The following PIEZO1 variants were observed in gnomAD, a reference collection of about 807,000 sequenced individuals.
PIEZO1 encodes the protein piezo type mechanosensitive ion channel component 1 (Er blood group), also known as piezo-type mechanosensitive ion channel component 1.
In PIEZO1, 296 loss-of-function variants were observed where a neutral mutation model predicts 297.2. That is an observed-to-expected ratio of 1.00 (90% CI 0.91 to 1.10). The LOEUF is 1.10. PIEZO1 is among the 50% of genes least tolerant of loss of function. The probability of loss-of-function intolerance (pLI) is 0.00; values close to 1 mark genes in which losing one functional copy is unlikely to be tolerated. For missense variants in PIEZO1, 5,018 were observed against 3,455.5 expected (o/e 1.45, Z -11.34); for synonymous variants, 2,427 against 1,507.5 (o/e 1.61, Z -14.13).
At chr16:88,770,272 C>T (rs1391931810) in intron 1 of PIEZO1, among the ~76,000 whole-genome samples, 1 of 152,192 alleles carries the variant, frequency 6.6e-6, no homozygotes, top group African/African-American at 2.4e-5. Flanking sequence ...CGAGACCTCT[C>T]AGCCTGATGC....
At position 88,726,748 on chromosome 16, in the gene PIEZO1, G is replaced by A. The variant is rs376432833; in HGVS notation, c.3666C>T (p.Asn1222=). Residue 1222 remains asparagine, a synonymous_variant, in exon 25 of 51, where the codon AAC becomes AAT. Transcript: ENST00000301015. ...TGTTCTTGGAGATGATGACGGTGAC[G>A]TTGTACAGAATGAGGCAGTCCCACA... ...LVLWDCLILY[N]VTVIISKNML... The A allele has an allele frequency of 9.1e-5, 141 of 1,550,130 alleles. No homozygotes were observed. The African/African-American group carries it at 1.1e-3, about 12-fold the overall frequency.
At chr16:88,774,704 C>T (rs1041988870) in intron 1 of PIEZO1, among the ~76,000 whole-genome samples, 2 of 152,200 alleles carry the variant, frequency 1.3e-5, no homozygotes, top group African/African-American at 4.8e-5. Flanking sequence ...GCAAAGAGAC[C>T]GCTTGTCTTA....
intron 1 of PIEZO1, among the ~76,000 whole-genome samples, chr16:88,778,302 C>A (rs971311442): frequency 1.3e-5 from 2 of 152,180 alleles, no homozygotes; most frequent in Non-Finnish European, 2.9e-5. Flanking sequence ...AAGGAAACCA[C>A]AGGGGGTGGC....
chr16:88,757,055 G>A (rs1207165081), intron 1 of PIEZO1, among the ~76,000 whole-genome samples: 2 of 152,100 alleles, frequency 1.3e-5, no homozygotes, highest in South Asian at 2.1e-4. Flanking sequence ...CAGCCTGGGC[G>A]ACAGAGCGAG....
intron 1 of PIEZO1, among the ~76,000 whole-genome samples, chr16:88,763,954 G>A (rs1907043515): frequency 6.6e-6 from 1 of 152,166 alleles, no homozygotes. Context: ...GCACGCAGGG[G>A]GTCAGGTGTG....
At chr16:88,769,171 C>T (rs2341002) in intron 1 of PIEZO1, among the ~76,000 whole-genome samples, 22,743 of 152,230 alleles carry the variant, frequency 0.15, 1,868 homozygotes, top group African/African-American at 0.22. Flanking sequence ...CAAAATTCTA[C>T]TCACATTTCA....
intron 22 of PIEZO1, among the ~76,000 whole-genome samples, chr16:88,728,292 G>A (rs971957980): frequency 6.6e-6 from 1 of 152,266 alleles, no homozygotes; most frequent in Non-Finnish European, 1.5e-5. Context: ...AGGCAGGGAG[G>A]GTCGGTCCCT....
chr16:88,729,639 C>A (rs1298974346), intron 22 of PIEZO1, among the ~76,000 whole-genome samples: 1 of 144,530 alleles, frequency 6.9e-6, no homozygotes, highest in African/African-American at 2.7e-5. Context: ...CCATCTGCCA[C>A]AGAGGGAACC....
At chr16:88,725,335 TGGGCACAGACGCAGCACACGCCAGC>T in intron 29 of PIEZO1, 56 bp downstream of exon 29, 5 of 905,676 alleles carry the variant, frequency 5.5e-6, no homozygotes, top group Non-Finnish European at 8.1e-6. Flanking sequence ...GGACGTCACA[TGGGCACAGACGCAGCACACGCCAGC>T]AGGCACAGAC....
At chr16:88,753,003 G>A (rs926809440) in intron 1 of PIEZO1, among the ~76,000 whole-genome samples, 3 of 152,000 alleles carry the variant, frequency 2.0e-5, no homozygotes, top group African/African-American at 7.3e-5. Flanking sequence ...GCTTGTCCCA[G>A]GTGGCGGCCA....
chr16:88,766,122 AGC>A (rs1907167429), intron 1 of PIEZO1, among the ~76,000 whole-genome samples: 1 of 152,188 alleles, frequency 6.6e-6, no homozygotes, highest in Admixed American at 6.5e-5. Flanking sequence ...TTCATGTGTC[AGC>A]GCTGCTGGGC....
At position 88,721,844 on chromosome 16, in the gene PIEZO1, G is replaced by A. The variant is rs1405210146; in HGVS notation, c.5178C>T (p.Ser1726=). 6 of 1,549,170 alleles carry A rather than the reference G, an allele frequency of 3.9e-6. No individual in the cohort carries two copies. The highest frequency in any genetic ancestry group is 5.2e-6 in the Non-Finnish European group (6 of 1,146,690). The part of the protein sequence containing the change: ...LWAMLSIPRP[S]KRFWMTAIVF... ...CGATGGCCGTCATCCAGAAGCGCTT[G>A]CTGGGCCTCGGGATCGACAGCATGG... Residue 1726 remains serine (S), a synonymous_variant, in exon 37 of 51, where the codon AGC becomes AGT. Transcript: ENST00000301015.
At chr16:88,777,362 C>T (rs1907713082) in intron 1 of PIEZO1, among the ~76,000 whole-genome samples, 2 of 152,194 alleles carry the variant, frequency 1.3e-5, no homozygotes, top group Non-Finnish European at 2.9e-5. Context: ...CCTTACAGGC[C>T]GCCCATTGCA....
chr16:88,734,188 C>A, intron 16 of PIEZO1, 134 bp from the exon 17 acceptor site: 1 of 1,249,730 alleles, frequency 8.0e-7, no homozygotes, highest in Non-Finnish European at 1.1e-6. Context: ...GCAACTCATG[C>A]CCACTGTCCC....
intron 29 of PIEZO1, 121 bp from the exon 30 acceptor site, chr16:88,725,201 G>A (rs1445293710): frequency 2.7e-6 from 2 of 734,792 alleles, no homozygotes; most frequent in Non-Finnish European, 2.2e-6. Flanking sequence ...CACAGTGACG[G>A]GGGCCGTGTG....
chr16:88,724,144 G>T (rs1054671657), intron 30 of PIEZO1, among the ~76,000 whole-genome samples, 173 bp from the exon 31 acceptor site: 1 of 152,240 alleles, frequency 6.6e-6, no homozygotes, highest in Non-Finnish European at 1.5e-5. Flanking sequence ...AGGTGGGCAG[G>T]GCAGCTGAGG....
rs562501867 is a variant in PIEZO1, at chr16:88,720,010, G to T, written c.6165-50C>A. ...GACCCCATCAGAAACAGCCCCGCAG[G>T]GCCCCCAGCCTGCACTGCCCCGCCC... On this transcript the variant is annotated intron_variant, in intron 42 of 50. Transcript: ENST00000301015. 3.9e-6 allele frequency: 6 copies of T among 1,549,118 alleles called. No individual in the cohort carries two copies. The East Asian group carries it at 1.5e-4, about 38-fold the overall frequency.
intron 23 of PIEZO1, among the ~76,000 whole-genome samples, 171 bp from the exon 24 acceptor site, chr16:88,727,363 C>T (rs1904523740): frequency 6.6e-6 from 1 of 152,228 alleles, no homozygotes; most frequent in Non-Finnish European, 1.5e-5. Flanking sequence ...GGTGTGAGGG[C>T]ATCTGCACAA....
chr16:88,736,933 A>G lies in PIEZO1; in HGVS notation c.1196-194T>C, dbSNP rs1597460571. The stretch of plus-strand genomic sequence containing the variant: ...GAGCGTCAGGGATGGCCCTGCCAGC[A>G]CCTGCCGTTCTCTGGGCCTCACTTT... On this transcript the variant is annotated intron_variant, in intron 10 of 50. Coordinates refer to ENST00000301015, the MANE Select transcript of PIEZO1 (RefSeq NM_001142864.4). 6.2e-6 allele frequency: 3 copies of G among 482,274 alleles called. No individual in the cohort carries two copies. The South Asian group carries it at 8.4e-5, about 14-fold the overall frequency. 29.9% of individuals were successfully genotyped at this position (482,274 alleles called of 1,614,324 possible).
Sources: allele counts gnomAD v4.1 joint callset (sites outside exome capture counted in the v4.1 genomes callset), GRCh38; gene constraint gnomAD v4.1.1; transcripts MANE v1.5; gene names NCBI Gene and HGNC (gene_info 2026-07-23, HGNC 2026-07-21).